Variants in FOXP1 observed in about 807,000 individuals in gnomAD.
FOXP1 encodes forkhead box P1.
FOXP1 carries 15 observed loss-of-function variants against 98.2 expected under a neutral mutation model. That is an observed-to-expected ratio of 0.15 (90% CI 0.10 to 0.24). The LOEUF is 0.24. Among genes scored for constraint, FOXP1 ranks in the 10% least tolerant of loss-of-function variants. The pLI, the probability that FOXP1 is intolerant of heterozygous loss-of-function variation, is 1.00. For missense variants in FOXP1, 633 were observed against 848.5 expected (o/e 0.75, Z 3.15); for synonymous variants, 371 against 314.5 (o/e 1.18, Z -1.90).
At chr3:70,979,495 T>C (rs1190666846) in intron 14 of FOXP1, among the ~76,000 whole-genome samples, 1 of 152,092 alleles carries the variant, frequency 6.6e-6, no homozygotes, top group African/African-American at 2.4e-5. Context: ...TATGTATTAC[T>C]GTTTATGTGC....
At chr3:71,468,739 G>T (rs542549620) in intron 3 of FOXP1, among the ~76,000 whole-genome samples, 1 of 152,110 alleles carries the variant, frequency 6.6e-6, no homozygotes, top group Admixed American at 6.6e-5. Flanking sequence ...GTCACTGGCC[G>T]TGACTCTTTC....
chr3:71,482,529 T>G (rs2106871036), intron 3 of FOXP1, among the ~76,000 whole-genome samples: 1 of 152,032 alleles, frequency 6.6e-6, no homozygotes, highest in East Asian at 1.9e-4. Context: ...GATTACCAAG[T>G]AACTGGGATT....
intron 5 of FOXP1, among the ~76,000 whole-genome samples, chr3:71,269,819 C>A (rs755368188): frequency 6.6e-6 from 1 of 152,180 alleles, no homozygotes; most frequent in Non-Finnish European, 1.5e-5. Flanking sequence ...TGTTCCTTAA[C>A]AGCCTCTAAT....
At chr3:71,139,792 C>T (rs1237902894) in intron 6 of FOXP1, among the ~76,000 whole-genome samples, 1 of 152,128 alleles carries the variant, frequency 6.6e-6, no homozygotes. Context: ...CAGACTCTTT[C>T]GCTATTATGT....
chr3:71,550,964 G>A (rs537542488), intron 2 of FOXP1, among the ~76,000 whole-genome samples: 14 of 152,250 alleles, frequency 9.2e-5, no homozygotes, highest in Admixed American at 2.0e-4. Flanking sequence ...CAGACTTCAC[G>A]GAGTTGGGTT....
chr3:71,091,670 C>A (rs11128206), intron 7 of FOXP1, among the ~76,000 whole-genome samples: 28,189 of 152,102 alleles, frequency 0.19, 3,514 homozygotes, highest in East Asian at 0.49. Flanking sequence ...TTAAGGGTAA[C>A]CCCAAGCTTT....
chr3:71,539,100 T>A (rs1466956686), intron 2 of FOXP1, among the ~76,000 whole-genome samples: 9 of 150,394 alleles, frequency 6.0e-5, no homozygotes, highest in Admixed American at 6.0e-4. Flanking sequence ...TTTTATTTTT[T>A]ATTTTTTTGT....
intron 2 of FOXP1, among the ~76,000 whole-genome samples, chr3:71,535,108 C>T (rs2044182560): frequency 6.6e-6 from 1 of 152,040 alleles, no homozygotes; most frequent in Admixed American, 6.6e-5. Flanking sequence ...AGCAAATGCC[C>T]GGGAGCAAAA....
chr3:70,960,849 T>C (rs1310826027), intron 20 of FOXP1, among the ~76,000 whole-genome samples: 1 of 151,156 alleles, frequency 6.6e-6, no homozygotes, highest in Non-Finnish European at 1.5e-5. Flanking sequence ...TAATTTTTTT[T>C]TTTTTTTTTT....
chr3:71,065,656 G>C (rs2052393450), intron 7 of FOXP1: 1 of 152,126 alleles, frequency 6.6e-6, no homozygotes, highest in Non-Finnish European at 1.5e-5. Context: ...TTCCCCTCTA[G>C]AACGACAGCT....
intron 5 of FOXP1, among the ~76,000 whole-genome samples, chr3:71,280,126 C>CAAAAA (rs56674677): frequency 4.0e-3 from 424 of 105,726 alleles, no homozygotes; most frequent in Non-Finnish European, 4.9e-3. Context: ...CTGTCTCAAA[C>CAAAAA]AAAAAAAAAA....
intron 5 of FOXP1, among the ~76,000 whole-genome samples, chr3:71,277,247 C>G (rs144458686): frequency 1.3e-5 from 2 of 150,666 alleles, no homozygotes; most frequent in Non-Finnish European, 3.0e-5. Flanking sequence ...CATGAGCCAC[C>G]GCACCTGGCT....
At chr3:71,420,874 T>C (rs1378809424) in intron 3 of FOXP1, among the ~76,000 whole-genome samples, 2 of 152,114 alleles carry the variant, frequency 1.3e-5, no homozygotes, top group Non-Finnish European at 2.9e-5. Flanking sequence ...GCCCGGCTAA[T>C]TTTTTGGTAG....
chr3:71,221,785 C>T (rs72953344), intron 5 of FOXP1, among the ~76,000 whole-genome samples: 5,406 of 152,308 alleles, frequency 0.035, 352 homozygotes, highest in African/African-American at 0.12. Context: ...GTTTCTACCT[C>T]TTACTTACAA....
At chr3:71,573,260 A>G (rs2047472784) in intron 2 of FOXP1, among the ~76,000 whole-genome samples, 1 of 152,224 alleles carries the variant, frequency 6.6e-6, no homozygotes, top group Non-Finnish European at 1.5e-5. Context: ...AAGGAAAAAT[A>G]TGCAAGAAGC....
In FOXP1 at chr3:71,208,404, AAAC is replaced by A. The variant is rs566128008; in HGVS notation, c.-11-10015_-11-10013del. ...ACTAAGGAAATCTCTTAGAAAAACC[AAAC>A]AACTTGCTAATCTCACCAGCCCCTT... On this transcript the variant is annotated intron_variant, in intron 5 of 20. Coordinates refer to ENST00000649528, the MANE Select transcript of FOXP1 (RefSeq NM_001349338.3). 5.2e-3 allele frequency among the ~76,000 whole-genome samples: 793 copies of A among 152,342 alleles called. 5 individuals carry two copies. Among genetic ancestry groups the A allele is most frequent in the Non-Finnish European group, 8.8e-3 (600 of 68,028 alleles).
intron 6 of FOXP1, among the ~76,000 whole-genome samples, chr3:71,167,316 AC>A (rs1325654474): frequency 6.6e-6 from 1 of 152,072 alleles, no homozygotes. Flanking sequence ...TATACAGGTG[AC>A]CCCCAACCAT....
At chr3:71,496,478 C>A (rs1270598020) in intron 2 of FOXP1, among the ~76,000 whole-genome samples, 1 of 152,086 alleles carries the variant, frequency 6.6e-6, no homozygotes, top group Non-Finnish European at 1.5e-5. Context: ...CGTTTTCATT[C>A]GGACTGGAGT....
At chr3:71,226,603 C>T (rs1221005871) in intron 5 of FOXP1, among the ~76,000 whole-genome samples, 1 of 152,000 alleles carries the variant, frequency 6.6e-6, no homozygotes, top group South Asian at 2.1e-4. Context: ...CTCCCTACCC[C>T]CTTCTGCATC....
Sources: gnomAD v4.1 joint callset for allele counts (sites outside exome capture counted in the v4.1 genomes callset) on GRCh38, gnomAD v4.1.1 for gene constraint, MANE v1.5 for transcripts, NCBI Gene and HGNC (gene_info 2026-07-23, HGNC 2026-07-21) for gene names.